The following COL4A1 variants were observed in gnomAD, a reference collection of about 807,000 sequenced individuals.
COL4A1 encodes the protein collagen alpha-1(IV) chain.
Under a neutral mutation model 216.6 loss-of-function variants are expected in COL4A1, and 40 were observed. That is an observed-to-expected ratio of 0.18 (90% CI 0.14 to 0.24). COL4A1 has a LOEUF of 0.24. Ranked by LOEUF, COL4A1 falls within the 10% of genes least tolerant of loss-of-function variation. COL4A1 has a pLI of 1.00. For missense variants in COL4A1, 1,628 were observed against 2,196.8 expected, an observed-to-expected ratio of 0.74 and a Z score of 5.18; for synonymous variants, 839 against 810.7, an observed-to-expected ratio of 1.03 and a Z score of -0.59.
intron 33 of COL4A1, 69 bp from the exon 34 acceptor site, chr13:110,177,106 T>A (rs1383582182): frequency 5.6e-6 from 9 of 1,602,552 alleles, no homozygotes; most frequent in Non-Finnish European, 6.8e-6. Context: ...AGGCTCACGT[T>A]CTTGTTGACA....
At chr13:110,161,569 T>C (rs1877087633) in intron 48 of COL4A1, among the ~76,000 whole-genome samples, 200 bp from the exon 49 acceptor site, 1 of 152,258 alleles carries the variant, frequency 6.6e-6, no homozygotes. Flanking sequence ...AACCTTTTCC[T>C]AAAGCTGAAT....
chr13:110,293,032 A>G (rs1884147419), intron 1 of COL4A1, among the ~76,000 whole-genome samples: 1 of 152,186 alleles, frequency 6.6e-6, no homozygotes. Context: ...CACCTACACA[A>G]CTTACCCAGA....
intron 26 of COL4A1, among the ~76,000 whole-genome samples, chr13:110,183,620 C>G (rs959340510): frequency 1.3e-5 from 2 of 152,192 alleles, no homozygotes; most frequent in Non-Finnish European, 2.9e-5. Flanking sequence ...GAGCCGGTCT[C>G]AAAAAGTCAA....
chr13:110,174,684 C>T lies in COL4A1; in HGVS notation c.3264G>A (p.Gly1088=), dbSNP rs2139160379. The change falls in exon 38 of 52, where the codon GGG becomes GGA. Residue 1088 remains glycine (G), a synonymous_variant. Coordinates refer to ENST00000375820, the MANE Select transcript of COL4A1 (RefSeq NM_001845.6). ...PGEKGEKGSI[G]IPGMPGSPGL... ...CTGGGGACCCTGGCATTCCTGGGAT[C>T]CCAATGCTTCCTTTTTCTCCCTTCT... 1 of 1,613,972 alleles carries T rather than the reference C, an allele frequency of 6.2e-7. No individual in the cohort carries two copies. Among genetic ancestry groups the T allele is most frequent in the South Asian group, 1.1e-5 (1 of 91,074 alleles).
At position 110,243,725 on chromosome 13, in the gene COL4A1, T is replaced by G. The variant is rs188400807; in HGVS notation, c.85-991A>C. Among the ~76,000 whole-genome samples, 170 of 152,322 alleles carry G rather than the reference T, an allele frequency of 1.1e-3. 2 individuals are homozygous for G. The highest frequency in any genetic ancestry group is 3.9e-3 in the African/African-American group (164 of 41,562). On this transcript the variant is annotated intron_variant, in intron 1 of 51. Transcript: ENST00000375820. ...GCAAGCTACCACGTGTTCAAACGCT[T>G]ACCAGGTGCCACGCACAGTCAGCGA...
At chr13:110,152,920 T>C (rs1876576539) in intron 50 of COL4A1, among the ~76,000 whole-genome samples, 1 of 152,268 alleles carries the variant, frequency 6.6e-6, no homozygotes, top group African/African-American at 2.4e-5. Context: ...ATTCCTGTAT[T>C]TGCTATATTA....
chr13:110,265,997 G>C (rs1323157324), intron 1 of COL4A1: 1 of 152,164 alleles, frequency 6.6e-6, no homozygotes, highest in Non-Finnish European at 1.5e-5. Flanking sequence ...TGTCGTCACT[G>C]AGAGTCCTGG....
At chr13:110,255,553 A>C (rs1221277239) in intron 1 of COL4A1, among the ~76,000 whole-genome samples, 2 of 79,182 alleles carry the variant, frequency 2.5e-5, no homozygotes, top group African/African-American at 1.0e-4. Context: ...AAGGAAGGGA[A>C]GGGGGCAGGC....
At chr13:110,294,098 G>A (rs1884182452) in intron 1 of COL4A1, among the ~76,000 whole-genome samples, 1 of 152,106 alleles carries the variant, frequency 6.6e-6, no homozygotes, top group African/African-American at 2.4e-5. Flanking sequence ...AGCTGGAGGA[G>A]ACGAGCCCCC....
chr13:110,271,219 C>A (rs1883233248), intron 1 of COL4A1, among the ~76,000 whole-genome samples: 1 of 152,188 alleles, frequency 6.6e-6, no homozygotes, highest in African/African-American at 2.4e-5. Flanking sequence ...GCGGCGCCAA[C>A]CACTGAACGT....
chr13:110,152,246 C>G (rs1876532078), intron 51 of COL4A1, 88 bp downstream of exon 51: 1 of 1,569,250 alleles, frequency 6.4e-7, no homozygotes, highest in African/African-American at 1.3e-5. Flanking sequence ...TGAGACTTTG[C>G]ATTGGAAGGT....
At chr13:110,306,238 A>G (rs1032740132) in intron 1 of COL4A1, among the ~76,000 whole-genome samples, 1 of 152,238 alleles carries the variant, frequency 6.6e-6, no homozygotes, top group South Asian at 2.1e-4. Context: ...GAACAATGAC[A>G]TGGAGTTTCA....
At chr13:110,233,577 C>A (rs558079481) in intron 2 of COL4A1, among the ~76,000 whole-genome samples, 1 of 152,284 alleles carries the variant, frequency 6.6e-6, no homozygotes, top group African/African-American at 2.4e-5. Flanking sequence ...TTGGTAAGTA[C>A]ACGCACATTG....
At position 110,161,178 on chromosome 13, in the gene COL4A1, G is replaced by A. The variant is rs376675522; in HGVS notation, c.4640+14C>T. 6 of 1,613,460 alleles carry A rather than the reference G, an allele frequency of 3.7e-6. No homozygotes were observed. The African/African-American group carries it at 8.0e-5, about 22-fold the overall frequency. The stretch of plus-strand genomic sequence containing the variant: ...CTTCAATTTTGCATTTGTTCCTACA[G>A]ATGCTCGACTCACCTACTAATAAAT... On this transcript the variant is annotated intron_variant, in intron 49 of 51. Coordinates refer to ENST00000375820, the MANE Select transcript of COL4A1 (RefSeq NM_001845.6).
intron 1 of COL4A1, among the ~76,000 whole-genome samples, chr13:110,293,346 G>A (rs754619690): frequency 6.6e-6 from 1 of 152,220 alleles, no homozygotes. Flanking sequence ...GGTAGCGGCT[G>A]CTGCGTCTAC....
intron 42 of COL4A1, 101 bp downstream of exon 42, chr13:110,170,446 T>TAA (rs1250992613): frequency 7.6e-7 from 1 of 1,322,408 alleles, no homozygotes; most frequent in Non-Finnish European, 1.0e-6. Flanking sequence ...GACTTCTAAA[T>TAA]AAAAAAGCCC....
chr13:110,164,940 C>G lies in COL4A1; in HGVS notation c.4072G>C (p.Glu1358Gln). ...PPGPYDIIKG[E>Q]PGLPGPEGPP... Reference sequence around the variant, plus strand: ...CCCTCAGGACCAGGGAGCCCGGGCTCCCCTTTGATGATGTCGTAAGGACCT... The same window carrying G: ...CCCTCAGGACCAGGGAGCCCGGGCTGCCCTTTGATGATGTCGTAAGGACCT... The change falls in exon 46 of 52, where the codon GAG (glutamate) becomes CAG (glutamine). Residue 1358 changes from glutamate (E) to glutamine (Q), a missense_variant. Glu to Gln is a conservative substitution (Grantham distance 29). Coordinates refer to ENST00000375820, the MANE Select transcript of COL4A1 (RefSeq NM_001845.6). 1 of 1,605,110 alleles carries G rather than the reference C, an allele frequency of 6.2e-7. No homozygotes were observed. Among genetic ancestry groups the G allele is most frequent in the Non-Finnish European group, 8.5e-7 (1 of 1,176,154 alleles).
At chr13:110,287,641 G>A (rs542799260) in intron 1 of COL4A1, among the ~76,000 whole-genome samples, 29 of 152,332 alleles carry the variant, frequency 1.9e-4, no homozygotes, top group Middle Eastern at 3.4e-3. Flanking sequence ...AAGCCGGCAC[G>A]TCCTTGAGCG....
intron 49 of COL4A1, 47 bp downstream of exon 49, chr13:110,161,144 AC>A: frequency 6.3e-7 from 1 of 1,581,268 alleles, no homozygotes; most frequent in Non-Finnish European, 8.7e-7. Context: ...CAGACTAGAG[AC>A]TTTTCCTCTT....
Sources: allele counts gnomAD v4.1 joint callset (sites outside exome capture counted in the v4.1 genomes callset), GRCh38; gene constraint gnomAD v4.1.1; transcripts MANE v1.5; gene names NCBI Gene and HGNC (gene_info 2026-07-23, HGNC 2026-07-21).